The following MAGI2 variants were observed in gnomAD, a reference collection of about 807,000 sequenced individuals.
The protein encoded by MAGI2 is membrane associated guanylate kinase, WW and PDZ domain containing 2.
Under a neutral mutation model 133.3 loss-of-function variants are expected in MAGI2, and 35 were observed. The ratio of observed to expected loss-of-function variants is 0.26; its 90% CI spans 0.20 to 0.35. The LOEUF (loss-of-function observed/expected upper bound fraction) is 0.35, where lower values mean the gene tolerates loss of function less well. Among genes scored for constraint, MAGI2 ranks in the 10% least tolerant of loss-of-function variants. The pLI, the probability that MAGI2 is intolerant of heterozygous loss-of-function variation, is 1.00. For synonymous variants in MAGI2, 729 were observed against 710.6 expected (o/e 1.03, Z -0.41); for missense variants, 1,636 against 1,863.4 (o/e 0.88, Z 2.25).
chr7:78,403,152 C>A (rs1002356243), intron 6 of MAGI2, among the ~76,000 whole-genome samples: 1 of 151,942 alleles, frequency 6.6e-6, no homozygotes, highest in Non-Finnish European at 1.5e-5. Context: ...CCTCCTCCCT[C>A]CCCCCATCCC....
chr7:79,422,234 C>T (rs1214555327), intron 1 of MAGI2, among the ~76,000 whole-genome samples: 2 of 151,914 alleles, frequency 1.3e-5, no homozygotes, highest in East Asian at 3.9e-4. Context: ...CTTCTAGCTC[C>T]ACTCTGTCAA....
chr7:78,107,898 TTTTG>T (rs945473579), intron 20 of MAGI2, among the ~76,000 whole-genome samples: 30 of 151,116 alleles, frequency 2.0e-4, no homozygotes, highest in African/African-American at 7.0e-4. Context: ...TTAGTATTGA[TTTTG>T]TTTATCTTTT....
At chr7:78,299,413 A>G (rs911450292) in intron 9 of MAGI2, among the ~76,000 whole-genome samples, 8 of 152,194 alleles carry the variant, frequency 5.3e-5, no homozygotes, top group African/African-American at 1.9e-4. Context: ...ATGGCTGTAA[A>G]CATTATGGGA....
At chr7:78,139,011 T>G (rs1350884420) in intron 16 of MAGI2, among the ~76,000 whole-genome samples, 1 of 152,224 alleles carries the variant, frequency 6.6e-6, no homozygotes, top group African/African-American at 2.4e-5. Flanking sequence ...AACAGAATTA[T>G]TTGCTCATGG....
Position 78,034,686 on chromosome 7 carries a change from C to A in MAGI2, c.3707-14710G>T, listed in dbSNP as rs547025760. Among the ~76,000 whole-genome samples the A allele has an allele frequency of 1.7e-3, 266 of 152,210 alleles. 1 individual carries two copies. Among genetic ancestry groups the A allele is most frequent in the Admixed American group, 4.8e-3 (74 of 15,294 alleles). ...GGTACTACAGTTGTGCACCACCACG[C>A]CTGGCTAATTTTTGTATTTTTAGTA... On this transcript the variant is annotated intron_variant, in intron 21 of 21. Coordinates refer to ENST00000354212, the MANE Select transcript of MAGI2 (RefSeq NM_012301.4).
chr7:79,187,621 C>T (rs993416225), intron 1 of MAGI2, among the ~76,000 whole-genome samples: 1 of 151,734 alleles, frequency 6.6e-6, no homozygotes, highest in Admixed American at 6.6e-5. Flanking sequence ...GTCAAAGTAG[C>T]TGATAGTAGA....
Position 78,669,378 on chromosome 7 carries a change from T to C in MAGI2, c.419-42139A>G, listed in dbSNP as rs529563140. 2.1e-3 allele frequency among the ~76,000 whole-genome samples: 315 copies of C among 151,636 alleles called. 2 individuals carry two copies. Among genetic ancestry groups the C allele is most frequent in the African/African-American group, 7.0e-3 (289 of 41,264 alleles). On this transcript the variant is annotated intron_variant, in intron 2 of 21. Coordinates refer to ENST00000354212, the MANE Select transcript of MAGI2 (RefSeq NM_012301.4). ...CTCCCAAGACTAAACCAGGAAGAAGTTGAATCTCTGAATAGACCAATAACA... is the reference window on the plus strand; with the variant it reads ...CTCCCAAGACTAAACCAGGAAGAAGCTGAATCTCTGAATAGACCAATAACA...
chr7:78,328,799 C>T (rs952451660), intron 9 of MAGI2, among the ~76,000 whole-genome samples: 1 of 151,892 alleles, frequency 6.6e-6, no homozygotes, highest in South Asian at 2.1e-4. Flanking sequence ...GTATTCTTTC[C>T]CACCATCCCC....
chr7:79,043,040 C>T (rs2116921539), intron 1 of MAGI2, among the ~76,000 whole-genome samples: 1 of 152,018 alleles, frequency 6.6e-6, no homozygotes. Context: ...CTAATAAAAA[C>T]AAGGACACAA....
chr7:78,921,822 C>T (rs185863971), intron 2 of MAGI2, among the ~76,000 whole-genome samples: 2 of 151,968 alleles, frequency 1.3e-5, no homozygotes, highest in African/African-American at 4.8e-5. Flanking sequence ...TTATTGGAGA[C>T]AGGTTTCGCC....
chr7:79,429,512 C>A (rs1205104759), intron 1 of MAGI2, among the ~76,000 whole-genome samples: 2 of 152,144 alleles, frequency 1.3e-5, no homozygotes, highest in East Asian at 3.9e-4. Flanking sequence ...ACCATGTTGG[C>A]CAGGCTGGTC....
At chr7:78,284,544 A>G (rs755371657) in intron 9 of MAGI2, among the ~76,000 whole-genome samples, 3 of 151,756 alleles carry the variant, frequency 2.0e-5, no homozygotes, top group Non-Finnish European at 4.4e-5. Context: ...TGTATTTATC[A>G]GTATCTAGCT....
intron 1 of MAGI2, among the ~76,000 whole-genome samples, chr7:79,161,924 C>A (rs577131177): frequency 2.5e-4 from 38 of 152,124 alleles, no homozygotes; most frequent in African/African-American, 8.4e-4. Context: ...AAAGTTCCAG[C>A]AAAGCCAATT....
At chr7:78,524,015 A>C (rs1353222388) in intron 3 of MAGI2, among the ~76,000 whole-genome samples, 1 of 151,592 alleles carries the variant, frequency 6.6e-6, no homozygotes, top group Non-Finnish European at 1.5e-5. Context: ...ATGGGCTCCA[A>C]ACTGTCCTCA....
At chr7:78,760,472 C>G (rs1824396735) in intron 2 of MAGI2, among the ~76,000 whole-genome samples, 1 of 150,734 alleles carries the variant, frequency 6.6e-6, no homozygotes, top group Non-Finnish European at 1.5e-5. Context: ...GAGCGATTCT[C>G]CTGCCTCAGC....
At chr7:78,989,729 G>A (rs1232151492) in intron 2 of MAGI2, among the ~76,000 whole-genome samples, 1 of 151,948 alleles carries the variant, frequency 6.6e-6, no homozygotes, top group African/African-American at 2.4e-5. Context: ...GTGAAGAAGT[G>A]GGGGAGTAAC....
intron 2 of MAGI2, among the ~76,000 whole-genome samples, chr7:78,666,759 C>G (rs10085711): frequency 0.41 from 62,856 of 152,090 alleles, 13,075 homozygotes; most frequent in Admixed American, 0.46. Context: ...AAATACTGCT[C>G]TCTTTACTTT....
chr7:78,900,095 G>A (rs1797507071), intron 2 of MAGI2, among the ~76,000 whole-genome samples: 1 of 152,070 alleles, frequency 6.6e-6, no homozygotes, highest in African/African-American at 2.4e-5. Context: ...GTTACTTTGT[G>A]TGCACAATTT....
intron 6 of MAGI2, among the ~76,000 whole-genome samples, chr7:78,389,519 C>A (rs181022210): frequency 6.6e-6 from 1 of 152,240 alleles, no homozygotes; most frequent in Admixed American, 6.5e-5. Flanking sequence ...GATGATGTGT[C>A]CGCTGTGGCA....
Sources: allele counts gnomAD v4.1 joint callset (sites outside exome capture counted in the v4.1 genomes callset), GRCh38; gene constraint gnomAD v4.1.1; transcripts MANE v1.5; gene names NCBI Gene and HGNC (gene_info 2026-07-23, HGNC 2026-07-21).